Variants in FFAR3 observed in about 807,000 individuals in gnomAD.
The protein encoded by FFAR3 is G-protein coupled receptor 41.
For missense variants in FFAR3, 136 were observed against 446.5 expected (o/e 0.30, Z 6.27); for synonymous variants, 68 against 201.1 (o/e 0.34, Z 5.60).
Position 35,359,013 on chromosome 19 carries a change from C to T in FFAR3, c.123C>T (p.Gly41=), listed in dbSNP as rs1341485975. The T allele has an allele frequency of 1.2e-6, 2 of 1,611,682 alleles. No homozygotes were observed. Among genetic ancestry groups the T allele is most frequent in the Admixed American group, 1.7e-5 (1 of 59,908 alleles). Residue 41 remains glycine, a synonymous_variant, in exon 2 of 2, where the codon GGC becomes GGT. Coordinates refer to ENST00000327809, the MANE Select transcript of FFAR3 (RefSeq NM_005304.5). ...TGCTGGCCCTGGTGGTCTTCGTGGG[C>T]AAGCTGCAGCGCCGCCCGGTGGCCG... is the stretch of plus-strand genomic sequence containing the variant. ...LNLLALVVFV[G]KLQRRPVAVD...
In FFAR3 at chr19:35,359,557, G is replaced by T. The variant is rs150502245; in HGVS notation, c.667G>T (p.Val223Leu). 1,099 of 1,613,822 alleles carry T rather than the reference G, an allele frequency of 6.8e-4. No homozygotes were observed. The African/African-American group carries it at 0.013, about 19-fold the overall frequency. The change falls in exon 2 of 2, where the codon GTG (valine) becomes TTG (leucine). Residue 223 changes from valine (V) to leucine (L), a missense_variant. Coordinates refer to ENST00000327809, the MANE Select transcript of FFAR3 (RefSeq NM_005304.5). Reference sequence around the variant, plus strand: ...GGGCAGCCACCGCCGGCAGAGGAGGGTGGCGGGGCTGTTGGCGGCCACGCT... The same window carrying T: ...GGGCAGCCACCGCCGGCAGAGGAGGTTGGCGGGGCTGTTGGCGGCCACGCT... The part of the protein sequence containing the change: ...RGGSHRRQRR[V>L]AGLLAATLLN...
Position 35,358,629 on chromosome 19 carries a change from T to A in FFAR3, c.-32T>A. ...CAGCAAGGTGCTGTGCGGCAGAGCA[T>A]TTGGGGTCTCAAAGAAGCAGGTGAG... On this transcript the variant is annotated 5_prime_UTR_variant, in exon 1 of 2. Coordinates refer to ENST00000327809, the MANE Select transcript of FFAR3 (RefSeq NM_005304.5). The A allele has an allele frequency of 7.3e-7, 1 of 1,365,988 alleles. No individual in the cohort carries two copies. The allele number at this position is 1,365,988 out of a possible 1,614,324, so 84.6% of individuals were successfully genotyped here. A position where few individuals can be genotyped will look rare whatever the true frequency, so the allele number is the denominator to read the frequency against.
chr19:35,358,152 T>C (rs1018926754), upstream of FFAR3, among the ~76,000 whole-genome samples: 1 of 152,216 alleles, frequency 6.6e-6, no homozygotes, highest in Admixed American at 6.5e-5. Flanking sequence ...TTTGCATGTG[T>C]TAATGCGTTG....
In FFAR3 at chr19:35,359,546, G is replaced by T; in HGVS notation, c.656G>T (p.Arg219Leu). Residue 219 changes from arginine to leucine, a missense_variant, in exon 2 of 2, where the codon CGG becomes CTG. Transcript: ENST00000327809. Reference sequence around the variant, plus strand: ...CTCGGCAGAGGGGGCAGCCACCGCCGGCAGAGGAGGGTGGCGGGGCTGTTG... The same window carrying T: ...CTCGGCAGAGGGGGCAGCCACCGCCTGCAGAGGAGGGTGGCGGGGCTGTTG... ...WILGRGGSHR[R>L]QRRVAGLLAA... The T allele has an allele frequency of 6.2e-7, 1 of 1,613,900 alleles. No individual in the cohort carries two copies. The highest frequency in any genetic ancestry group is 8.5e-7 in the Non-Finnish European group (1 of 1,179,806).
chr19:35,359,002 G>T lies in FFAR3; in HGVS notation c.112G>T (p.Val38Phe), dbSNP rs1405439094. The change falls in exon 2 of 2, where the codon GTC becomes TTC. Residue 38 changes from valine to phenylalanine, a missense_variant. Coordinates refer to ENST00000327809, the MANE Select transcript of FFAR3 (RefSeq NM_005304.5). ...GLPLNLLALV[V>F]FVGKLQRRPV... is the part of the protein sequence containing the mutation. ...CCCCCTCAACCTGCTGGCCCTGGTGGTCTTCGTGGGCAAGCTGCAGCGCCG... is the reference window on the plus strand; with the variant it reads ...CCCCCTCAACCTGCTGGCCCTGGTGTTCTTCGTGGGCAAGCTGCAGCGCCG... The T allele has an allele frequency of 6.2e-7, 1 of 1,611,640 alleles. No homozygotes were observed. The highest frequency in any genetic ancestry group is 1.7e-5 in the Admixed American group (1 of 59,898).
rs2066974425 is a variant in FFAR3, at chr19:35,358,530, G to A, written c.-131G>A. On this transcript the variant is annotated 5_prime_UTR_variant, in exon 1 of 2. The change creates a new upstream start codon in the 5' untranslated region. Coordinates refer to ENST00000327809, the MANE Select transcript of FFAR3 (RefSeq NM_005304.5). ...TCTATGTGCCACTGCTCAACAGTGA[G>A]TGACGTCATGGGCACGGCCAGGTCT... 9 of 1,272,668 alleles carry A rather than the reference G, an allele frequency of 7.1e-6. 1 individual carries two copies. The Admixed American group carries it at 1.0e-4, about 15-fold the overall frequency. 78.8% of individuals were successfully genotyped at this position (1,272,668 alleles called of 1,614,324 possible).
At position 35,358,980 on chromosome 19, in the gene FFAR3, C is replaced by T. The variant is rs768690809; in HGVS notation, c.90C>T (p.Pro30=). ...VYLLTFLVGL[P]LNLLALVVFV... The stretch of plus-strand genomic sequence containing the variant: ...TTCTCACTTTCCTGGTGGGGCTCCC[C>T]CTCAACCTGCTGGCCCTGGTGGTCT... Residue 30 remains proline (P), a synonymous_variant, in exon 2 of 2, where the codon CCC becomes CCT. Coordinates refer to ENST00000327809, the MANE Select transcript of FFAR3 (RefSeq NM_005304.5). 3 of 1,611,236 alleles carry T rather than the reference C, an allele frequency of 1.9e-6. No homozygotes were observed. The highest frequency in any genetic ancestry group is 2.7e-5 in the African/African-American group (2 of 74,578).
rs1264364900 is a variant in FFAR3 at position 35,359,895 on chromosome 19, T to C, written c.1005T>C (p.Cys335=). ...ERKTSEHSQG[C]GTGGQVACAE... ...AGACCAGTGAACACTCACAGGGCTG[T>C]GGAACTGGTGGCCAGGTGGCCTGTG... The change falls in exon 2 of 2, where the codon TGT becomes TGC. Residue 335 remains cysteine (C), a synonymous_variant. Coordinates refer to ENST00000327809, the MANE Select transcript of FFAR3 (RefSeq NM_005304.5). The C allele has an allele frequency of 6.3e-7, 1 of 1,577,486 alleles. No individual in the cohort carries two copies. Among genetic ancestry groups the C allele is most frequent in the African/African-American group, 1.4e-5 (1 of 72,186 alleles).
intron 1 of FFAR3, 102 bp from the exon 2 acceptor site, chr19:35,358,778 G>A (rs1599704835): frequency 8.9e-7 from 1 of 1,118,864 alleles, no homozygotes; most frequent in Non-Finnish European, 1.3e-6. Context: ...CCAGAGACAA[G>A]AGGGGTGGGC....
rs2066988312 is a variant in FFAR3, at chr19:35,360,263, G to C, written c.*332G>C. Reference sequence around the variant, plus strand: ...GCAGTGCCCAGGGTCTGAGGGGGCTGCCCAGTGAGTGGCAGGGGCAGGAGA... The same window carrying C: ...GCAGTGCCCAGGGTCTGAGGGGGCTCCCCAGTGAGTGGCAGGGGCAGGAGA... On this transcript the variant is annotated 3_prime_UTR_variant, in exon 2 of 2. Transcript: ENST00000327809. 1 of 477,276 alleles carries C rather than the reference G, an allele frequency of 2.1e-6. No homozygotes were observed. The highest frequency in any genetic ancestry group is 2.1e-5 in the South Asian group (1 of 47,012). The allele number at this position is 477,276 out of a possible 1,614,324, so 29.6% of individuals were successfully genotyped here.
chr19:35,360,109 C>T lies in FFAR3; in HGVS notation c.*178C>T, dbSNP rs2066987453. ...CAGCTCTCGATCTCACCTCCATCCC[C>T]ATCCACCCACACACTATGGATTGGG... On this transcript the variant is annotated 3_prime_UTR_variant, in exon 2 of 2. Transcript: ENST00000327809. 7 of 563,108 alleles carry T rather than the reference C, an allele frequency of 1.2e-5. No homozygotes were observed. The highest frequency in any genetic ancestry group is 2.0e-5 in the Non-Finnish European group (6 of 306,130). The allele number at this position is 563,108 out of a possible 1,614,324, so 34.9% of individuals were successfully genotyped here.
Position 35,359,900 on chromosome 19 carries a change from C to G in FFAR3, c.1010C>G (p.Thr337Ser). ...KTSEHSQGCGTGGQVACAES is the reference protein window; with the variant it reads ...KTSEHSQGCGSGGQVACAES ...AGTGAACACTCACAGGGCTGTGGAA[C>G]TGGTGGCCAGGTGGCCTGTGCTGAA... The change falls in exon 2 of 2, where the codon ACT becomes AGT. Residue 337 changes from threonine (T) to serine (S), a missense_variant. By Grantham distance (58) the Thr-to-Ser change is moderately conservative. Coordinates refer to ENST00000327809, the MANE Select transcript of FFAR3 (RefSeq NM_005304.5). 2 of 1,575,920 alleles carry G rather than the reference C, an allele frequency of 1.3e-6. No homozygotes were observed. The highest frequency in any genetic ancestry group is 1.7e-6 in the Non-Finnish European group (2 of 1,161,032).
In FFAR3 at chr19:35,358,987, C is replaced by T; in HGVS notation, c.97C>T (p.Leu33=). The T allele has an allele frequency of 1.2e-6, 2 of 1,611,548 alleles. No individual in the cohort carries two copies. Among genetic ancestry groups the T allele is most frequent in the Non-Finnish European group, 1.7e-6 (2 of 1,178,290 alleles). Residue 33 remains leucine (L), a synonymous_variant, in exon 2 of 2, where the codon CTG becomes TTG. Transcript: ENST00000327809. ...LTFLVGLPLN[L]LALVVFVGKL... ...TTTCCTGGTGGGGCTCCCCCTCAAC[C>T]TGCTGGCCCTGGTGGTCTTCGTGGG...
At position 35,359,044 on chromosome 19, in the gene FFAR3, G is replaced by C. The variant is rs367794314; in HGVS notation, c.154G>C (p.Val52Leu). ...GCAGCGCCGCCCGGTGGCCGTGGACGTGCTCCTGCTCAACCTGACCGCCTC... is the reference window on the plus strand; with the variant it reads ...GCAGCGCCGCCCGGTGGCCGTGGACCTGCTCCTGCTCAACCTGACCGCCTC... ...KLQRRPVAVDVLLLNLTASDL... is the reference protein window; with the variant it reads ...KLQRRPVAVDLLLLNLTASDL... The change falls in exon 2 of 2, where the codon GTG becomes CTG. Residue 52 changes from valine to leucine, a missense_variant. Coordinates refer to ENST00000327809, the MANE Select transcript of FFAR3 (RefSeq NM_005304.5). 5 of 1,611,822 alleles carry C rather than the reference G, an allele frequency of 3.1e-6. 1 individual carries two copies. Among genetic ancestry groups the C allele is most frequent in the Non-Finnish European group, 4.2e-6 (5 of 1,178,430 alleles).
chr19:35,359,670 C>T lies in FFAR3; in HGVS notation c.780C>T (p.Tyr260=), dbSNP rs75912749. 21,888 of 1,611,984 alleles carry T rather than the reference C, an allele frequency of 0.014. 86 individuals are homozygous for T. The African/African-American group carries it at 0.15, about 11-fold the overall frequency. The stretch of plus-strand genomic sequence containing the variant: ...GTGAAAGCCCGGCGTGGAGGATCTA[C>T]GTGACGCTTCTCAGCACCCTGAACT... The part of the protein sequence containing the change: ...ICGESPAWRI[Y]VTLLSTLNSC... Residue 260 remains tyrosine (Y), a synonymous_variant, in exon 2 of 2, where the codon TAC becomes TAT. Transcript: ENST00000327809.
At chr19:35,358,298 T>C (rs2145696636), upstream of FFAR3, 1 of 183,178 alleles carries the variant, frequency 5.5e-6, no homozygotes, top group African/African-American at 2.4e-5. Flanking sequence ...TGTCATTGCA[T>C]CACACTTCCT....
upstream of FFAR3, among the ~76,000 whole-genome samples, chr19:35,358,157 G>A (rs2066972584): frequency 1.3e-5 from 2 of 152,270 alleles, no homozygotes. Context: ...ATGTGTTAAT[G>A]CGTTGATCTA....
Position 35,359,082 on chromosome 19 carries a change from G to C in FFAR3, c.192G>C (p.Leu64=). The C allele has an allele frequency of 6.2e-7, 1 of 1,611,286 alleles. No individual in the cohort carries two copies. Among genetic ancestry groups the C allele is most frequent in the Non-Finnish European group, 8.5e-7 (1 of 1,178,078 alleles). Residue 64 remains leucine, a synonymous_variant, in exon 2 of 2, where the codon CTG becomes CTC. Coordinates refer to ENST00000327809, the MANE Select transcript of FFAR3 (RefSeq NM_005304.5). The part of the protein sequence containing the change: ...LLNLTASDLL[L]LLFLPFRMVE... ...ACCTGACCGCCTCGGACCTGCTCCT[G>C]CTGCTGTTCCTGCCTTTCCGCATGG...
At chr19:35,358,241 C>T (rs537004693), upstream of FFAR3, among the ~76,000 whole-genome samples, 7 of 152,292 alleles carry the variant, frequency 4.6e-5, no homozygotes, top group East Asian at 1.3e-3. Context: ...GTCATTTCCC[C>T]CAAATCACAA....
Sources: gnomAD v4.1 joint callset for allele counts (sites outside exome capture counted in the v4.1 genomes callset) on GRCh38, gnomAD v4.1.1 for gene constraint, MANE v1.5 for transcripts, NCBI Gene and HGNC (gene_info 2026-07-23, HGNC 2026-07-21) for gene names.